Variants in TNKS1BP1 observed in about 807,000 individuals in gnomAD.
TNKS1BP1 encodes the protein CCR4-NOT transcription complex subunit 12.
Under a neutral mutation model 141.1 loss-of-function variants are expected in TNKS1BP1, and 48 were observed. That is an observed-to-expected ratio of 0.34 (90% CI 0.27 to 0.43). The LOEUF is 0.43. Among genes scored for constraint, TNKS1BP1 ranks in the 20% least tolerant of loss-of-function variants. The pLI, the probability that TNKS1BP1 is intolerant of heterozygous loss-of-function variation, is 1.00. For missense variants in TNKS1BP1, 2,149 were observed against 2,226.0 expected (o/e 0.97, Z 0.70); for synonymous variants, 875 against 898.2 (o/e 0.97, Z 0.46).
At chr11:57,311,258 T>C (rs1855704535) in intron 5 of TNKS1BP1, 2 of 985,926 alleles carry the variant, frequency 2.0e-6, no homozygotes, top group Non-Finnish European at 1.2e-6. Flanking sequence ...GGGAGAGCCC[T>C]GGGCTCAGGG....
chr11:57,300,662 G>C (rs367662110), intron 10 of TNKS1BP1, 62 bp from the exon 11 acceptor site: 210 of 1,605,158 alleles, frequency 1.3e-4, no homozygotes, highest in Non-Finnish European at 1.7e-4. Flanking sequence ...ACAACAAGGA[G>C]ACGTGATAGG....
At position 57,313,486 on chromosome 11, in the gene TNKS1BP1, G is replaced by A. The variant is rs1590589373; in HGVS notation, c.1202C>T (p.Thr401Ile). 1 of 1,581,150 alleles carries A rather than the reference G, an allele frequency of 6.3e-7. No homozygotes were observed. The highest frequency in any genetic ancestry group is 8.6e-7 in the Non-Finnish European group (1 of 1,162,304). Reference protein sequence around the residue: ...LIEVGELLDLTRTFPSGGEEE... With the variant: ...LIEVGELLDLIRTFPSGGEEE... ...CTCCCCGCCAGATGGAAACGTCCGAGTGAGATCCAGCAACTCACCCACCTC... is the reference window on the plus strand; with the variant it reads ...CTCCCCGCCAGATGGAAACGTCCGAATGAGATCCAGCAACTCACCCACCTC... The change falls in exon 5 of 12, where the codon ACT (threonine) becomes ATT (isoleucine). Residue 401 changes from threonine to isoleucine, a missense_variant. Transcript: ENST00000358252.
chr11:57,324,891 C>T lies in TNKS1BP1; in HGVS notation c.-117G>A, dbSNP rs1196597239. ...CGGCTCGGGGCCCCGATGCCAGTCC[C>T]CGCCGCCGCCGCCGCTGCTACCGCC... On this transcript the variant is annotated 5_prime_UTR_variant, in exon 1 of 12. Transcript: ENST00000358252. 2.0e-6 allele frequency: 2 copies of T among 978,888 alleles called. No homozygotes were observed. The highest frequency in any genetic ancestry group is 1.8e-5 in the African/African-American group (1 of 55,034). The allele number at this position is 978,888 out of a possible 1,614,324, so 60.6% of individuals were successfully genotyped here. A position where few individuals can be genotyped will look rare whatever the true frequency, so the allele number is the denominator to read the frequency against.
intron 5 of TNKS1BP1, chr11:57,311,223 C>T (rs1026528577): frequency 6.1e-6 from 6 of 983,962 alleles, no homozygotes; most frequent in Non-Finnish European, 7.2e-6. Flanking sequence ...CCCCACCTCA[C>T]GCTCCCTGAC....
At position 57,313,739 on chromosome 11, in the gene TNKS1BP1, G is replaced by A; in HGVS notation, c.949C>T (p.Leu317Phe). ...PDKSSPCHSQ[L>F]LEAQTPEASQ... is the part of the protein sequence containing the mutation. ...GCTTCAGGAGTCTGGGCTTCCAGAA[G>A]CTGTGAGTGGCAGGGAGAACTCTTA... The change falls in exon 5 of 12, where the codon CTT becomes TTT. Residue 317 changes from leucine to phenylalanine, a missense_variant. Physicochemically the swap from Leu to Phe is conservative, Grantham distance 22. Coordinates refer to ENST00000358252, the MANE Select transcript of TNKS1BP1 (RefSeq NM_033396.3). 6.2e-7 allele frequency: 1 copy of A among 1,600,264 alleles called. No individual in the cohort carries two copies. Among genetic ancestry groups the A allele is most frequent in the Non-Finnish European group, 8.5e-7 (1 of 1,173,656 alleles).
At chr11:57,304,188 T>C (rs1855572986) in intron 6 of TNKS1BP1, among the ~76,000 whole-genome samples, 1 of 152,032 alleles carries the variant, frequency 6.6e-6, no homozygotes, top group South Asian at 2.1e-4. Context: ...GGCACGGCAG[T>C]GCCTGGAAGC....
At chr11:57,312,146 T>C (rs1211006263) in intron 5 of TNKS1BP1, among the ~76,000 whole-genome samples, 1 of 152,180 alleles carries the variant, frequency 6.6e-6, no homozygotes, top group Non-Finnish European at 1.5e-5. Flanking sequence ...TATTTTGCCT[T>C]GAACGATATT....
In TNKS1BP1 at chr11:57,321,784, ATT is replaced by A; in HGVS notation, c.94+6_94+7del. 1 of 1,435,206 alleles carries A rather than the reference ATT, an allele frequency of 7.0e-7. No individual in the cohort carries two copies. The highest frequency in any genetic ancestry group is 9.3e-7 in the Non-Finnish European group (1 of 1,069,696). 88.9% of individuals were successfully genotyped at this position (1,435,206 alleles called of 1,614,324 possible). A position where few individuals can be genotyped will look rare whatever the true frequency, so the allele number is the denominator to read the frequency against. ...AGCCACCTGGCTCCACCCTGCACCC[ATT>A]GGTACCTGGCTCAGAGCCAGTAGGC... is the stretch of plus-strand genomic sequence containing the variant. On this transcript the variant is annotated splice_donor_region_variant and intron_variant, in intron 2 of 11. Coordinates refer to ENST00000358252, the MANE Select transcript of TNKS1BP1 (RefSeq NM_033396.3).
rs903013903 is a variant in TNKS1BP1 at position 57,317,967 on chromosome 11, A to G, written c.729-80T>C. 4.1e-5 allele frequency: 58 copies of G among 1,398,406 alleles called. No homozygotes were observed. In the Admixed American group the frequency reaches 4.8e-4, roughly 12 times the overall value. The allele number at this position is 1,398,406 out of a possible 1,614,324, so 86.6% of individuals were successfully genotyped here. ...AATGGAAAATGTGGGAGAGTCTCCC[A>G]GTGCAACTTTAACAGCACCCAAAGG... On this transcript the variant is annotated intron_variant, in intron 3 of 11. Coordinates refer to ENST00000358252, the MANE Select transcript of TNKS1BP1 (RefSeq NM_033396.3).
At chr11:57,321,985 G>A (rs148447898) in intron 1 of TNKS1BP1, 35 bp from the exon 2 acceptor site, 1 of 1,479,286 alleles carries the variant, frequency 6.8e-7, no homozygotes, top group Non-Finnish European at 9.0e-7. Flanking sequence ...GAAAAAAAGA[G>A]TTGGGCGTTG....
At position 57,313,412 on chromosome 11, in the gene TNKS1BP1, G is replaced by A. The variant is rs943338386; in HGVS notation, c.1276C>T (p.Arg426Cys). Residue 426 changes from arginine (R) to cysteine (C), a missense_variant, in exon 5 of 12, where the codon CGC becomes TGC. Coordinates refer to ENST00000358252, the MANE Select transcript of TNKS1BP1 (RefSeq NM_033396.3). Reference protein sequence around the residue: ...AHLRPTSLVQRRFSEGVLQSP... With the variant: ...AHLRPTSLVQCRFSEGVLQSP... ...TGGAGCACACCTTCAGAGAATCGGC[G>A]CTGAACCAGGCTGGTGGGGCGGAGG... 1.1e-5 allele frequency: 18 copies of A among 1,611,320 alleles called. No individual in the cohort carries two copies. The highest frequency in any genetic ancestry group is 3.3e-5 in the South Asian group (3 of 90,826).
Position 57,320,190 on chromosome 11 carries a change from G to A in TNKS1BP1, c.617C>T (p.Thr206Ile), listed in dbSNP as rs771778562. 1.2e-6 allele frequency: 2 copies of A among 1,614,220 alleles called. No individual in the cohort carries two copies. The highest frequency in any genetic ancestry group is 4.5e-5 in the East Asian group (2 of 44,886). ...RYGPRTYGTT[T>I]APRDEDGSTL... ...GCTGCCATCCTCATCCCTGGGAGCA[G>A]TGGTCGTGCCATAGGTCCTGGGGCC... The change falls in exon 3 of 12, where the codon ACT becomes ATT. Residue 206 changes from threonine (T) to isoleucine (I), a missense_variant. Physicochemically the swap from Thr to Ile is moderately conservative, Grantham distance 89. Transcript: ENST00000358252.
intron 4 of TNKS1BP1, among the ~76,000 whole-genome samples, chr11:57,316,969 CCTCT>C (rs1234603172): frequency 1.3e-5 from 2 of 152,200 alleles, no homozygotes; most frequent in African/African-American, 4.8e-5. Flanking sequence ...CCACCTAACT[CCTCT>C]CTCACTGCCA....
intron 6 of TNKS1BP1, among the ~76,000 whole-genome samples, chr11:57,303,988 A>G (rs1359469708): frequency 6.6e-6 from 1 of 152,108 alleles, no homozygotes; most frequent in African/African-American, 2.4e-5. Context: ...ATTCACATTC[A>G]TCACCATCAC....
rs1384046700 is a variant in TNKS1BP1, at chr11:57,302,998, T to C, written c.4317-173A>G. 2.3e-5 allele frequency: 17 copies of C among 724,592 alleles called. No homozygotes were observed. Among genetic ancestry groups the C allele is most frequent in the Non-Finnish European group, 3.3e-5 (16 of 488,876 alleles). The allele number at this position is 724,592 out of a possible 1,614,324, so 44.9% of individuals were successfully genotyped here. On this transcript the variant is annotated intron_variant, in intron 6 of 11. Transcript: ENST00000358252. The surrounding 1 kb of genome is among the most constrained non-coding windows in gnomAD (Gnocchi z 5.5). ...GGCCTTGAGCAACACAGCACACAGG[T>C]GAAGAGCTGAGCCAGTCTGGCAGGT...
At chr11:57,320,791 A>G in intron 2 of TNKS1BP1, 79 bp from the exon 3 acceptor site, 1 of 1,424,362 alleles carries the variant, frequency 7.0e-7, no homozygotes, top group Non-Finnish European at 9.2e-7. Flanking sequence ...GTTCCACCTC[A>G]TCTCCCACCC....
intron 6 of TNKS1BP1, among the ~76,000 whole-genome samples, chr11:57,306,548 C>G (rs1280696464): frequency 6.6e-6 from 1 of 152,156 alleles, no homozygotes; most frequent in African/African-American, 2.4e-5. Context: ...AAAATTCAAA[C>G]AAGCCCCTCG....
intron 10 of TNKS1BP1, 85 bp from the exon 11 acceptor site, chr11:57,300,685 C>T (rs545151400): frequency 1.9e-6 from 3 of 1,577,054 alleles, no homozygotes; most frequent in Non-Finnish European, 2.6e-6. Flanking sequence ...CAGAAACCAC[C>T]CTCTAACCAG....
chr11:57,313,062 C>A lies in TNKS1BP1; in HGVS notation c.1626G>T (p.Trp542Cys). ...GSAPSGSGSS[W>C]VQGDDPSMSL... ...ACATGCTTGGATCATCCCCCTGCAC[C>A]CAGGAACTTCCTGACCCACTTGGAG... Residue 542 changes from tryptophan (W) to cysteine (C), a missense_variant, in exon 5 of 12, where the codon TGG becomes TGT. Coordinates refer to ENST00000358252, the MANE Select transcript of TNKS1BP1 (RefSeq NM_033396.3). 6.2e-7 allele frequency: 1 copy of A among 1,613,772 alleles called. No homozygotes were observed. Among genetic ancestry groups the A allele is most frequent in the Middle Eastern group, 1.6e-4 (1 of 6,062 alleles).
Sources: allele counts gnomAD v4.1 joint callset (sites outside exome capture counted in the v4.1 genomes callset), GRCh38; gene constraint gnomAD v4.1.1; non-coding constraint Gnocchi (gnomAD v3.1); transcripts MANE v1.5; gene names NCBI Gene and HGNC (gene_info 2026-07-23, HGNC 2026-07-21).